ARB2A: variants seen among roughly 807,000 people sequenced by gnomAD.
The protein encoded by ARB2A is cotranscriptional regulator ARB2A.
the ARB2A span, among the ~76,000 whole-genome samples, chr5:94,109,027 C>G: frequency 1.3e-5 from 2 of 152,184 alleles, no homozygotes; most frequent in Non-Finnish European, 1.5e-5. Context: ...ACAACCCAAG[C>G]ATCCATGGAT....
chr5:93,892,068 G>C, the ARB2A span, among the ~76,000 whole-genome samples: 3 of 152,082 alleles, frequency 2.0e-5, no homozygotes, highest in African/African-American at 4.8e-5. Flanking sequence ...TCAAACACAG[G>C]AACAAAGCAA....
chr5:93,990,678 CAG>C, the ARB2A span, among the ~76,000 whole-genome samples: 4 of 144,086 alleles, frequency 2.8e-5, no homozygotes, highest in South Asian at 2.2e-4. Flanking sequence ...GATTTCAACT[CAG>C]AGTCATAATA....
chr5:93,634,332 G>A, the ARB2A span, among the ~76,000 whole-genome samples: 214 of 151,930 alleles, frequency 1.4e-3, 3 homozygotes, highest in East Asian at 0.031. Context: ...CCCAGGAGGC[G>A]GAGGTTGCAG....
the ARB2A span, among the ~76,000 whole-genome samples, chr5:94,066,528 G>C: frequency 6.6e-6 from 1 of 150,640 alleles, no homozygotes; most frequent in African/African-American, 2.4e-5. Flanking sequence ...AATTACCACA[G>C]TAATAGAAAA....
the ARB2A span, among the ~76,000 whole-genome samples, chr5:93,685,180 T>C: frequency 6.6e-6 from 1 of 152,302 alleles, no homozygotes; most frequent in Admixed American, 6.5e-5. Context: ...AGTACTGATA[T>C]GTTTTCTAAT....
chr5:93,699,203 T>G, the ARB2A span, among the ~76,000 whole-genome samples: 2 of 152,158 alleles, frequency 1.3e-5, no homozygotes, highest in Non-Finnish European at 2.9e-5. Context: ...CAGTATAGCT[T>G]CAGAGCCTGT....
the ARB2A span, among the ~76,000 whole-genome samples, chr5:94,005,063 A>G: frequency 1.5e-5 from 2 of 129,982 alleles, no homozygotes; most frequent in African/African-American, 5.6e-5. Flanking sequence ...AAAAAAAAAA[A>G]GTGGCACAAA....
At chr5:93,855,225 GC>G in the ARB2A span, among the ~76,000 whole-genome samples, 1 of 151,982 alleles carries the variant, frequency 6.6e-6, no homozygotes, top group South Asian at 2.1e-4. Context: ...GCCTTCTCTG[GC>G]TCTTTTGATC....
At chr5:94,061,659 CAT>C in the ARB2A span, among the ~76,000 whole-genome samples, 3 of 152,116 alleles carry the variant, frequency 2.0e-5, no homozygotes, top group East Asian at 1.9e-4. Flanking sequence ...CATCAATAAA[CAT>C]GTGTAAACTG....
the ARB2A span, among the ~76,000 whole-genome samples, chr5:93,685,260 ATTAG>A: frequency 6.6e-6 from 1 of 152,224 alleles, no homozygotes; most frequent in Non-Finnish European, 1.5e-5. Context: ...TAAGGCTTAT[ATTAG>A]TTTTTTTAAA....
At chr5:93,854,944 G>T in the ARB2A span, among the ~76,000 whole-genome samples, 1 of 152,160 alleles carries the variant, frequency 6.6e-6, no homozygotes, top group African/African-American at 2.4e-5. Context: ...GTTGATTTGG[G>T]GTGGAGAGTT....
the ARB2A span, among the ~76,000 whole-genome samples, chr5:93,853,987 G>A: frequency 6.6e-6 from 1 of 152,162 alleles, no homozygotes; most frequent in Non-Finnish European, 1.5e-5. Context: ...GAGTTAGGGA[G>A]GATTCCCTCT....
At chr5:93,742,179 C>G in the ARB2A span, among the ~76,000 whole-genome samples, 7 of 152,186 alleles carry the variant, frequency 4.6e-5, no homozygotes, top group Non-Finnish European at 7.4e-5. Flanking sequence ...CTGCCAGATT[C>G]CACTCCCTCC....
At chr5:93,738,840 G>T in the ARB2A span, 1 of 152,282 alleles carries the variant, frequency 6.6e-6, no homozygotes, top group South Asian at 2.1e-4. Context: ...TGGAGTGATG[G>T]AAAAATGTTG....
chr5:93,819,238 T>TGCAGATATTTAAGA, the ARB2A span, among the ~76,000 whole-genome samples: 1 of 151,328 alleles, frequency 6.6e-6, no homozygotes, highest in Non-Finnish European at 1.5e-5. Context: ...CAACTAACTG[T>TGCAGATATTTAAGA]GCAGATATTT....
At chr5:94,006,511 T>C in the ARB2A span, among the ~76,000 whole-genome samples, 1 of 152,178 alleles carries the variant, frequency 6.6e-6, no homozygotes, top group African/African-American at 2.4e-5. Flanking sequence ...GTTTGCAAGA[T>C]GCTAGCACTG....
At chr5:93,822,396 A>C in the ARB2A span, among the ~76,000 whole-genome samples, 1 of 152,256 alleles carries the variant, frequency 6.6e-6, no homozygotes, top group South Asian at 2.1e-4. Flanking sequence ...CATTGTAAAA[A>C]CTGTCCAAAA....
chr5:93,667,449 A>T, the ARB2A span, among the ~76,000 whole-genome samples: 1 of 152,062 alleles, frequency 6.6e-6, no homozygotes, highest in South Asian at 2.1e-4. Context: ...ACTGTTGAAA[A>T]TTCTCTTTTT....
At chr5:93,929,308 C>T in the ARB2A span, among the ~76,000 whole-genome samples, 2 of 152,240 alleles carry the variant, frequency 1.3e-5, no homozygotes, top group South Asian at 4.1e-4. Context: ...ATCTGCTTAG[C>T]AATCTGGCAA....
Sources: allele counts gnomAD v4.1 joint callset (sites outside exome capture counted in the v4.1 genomes callset), GRCh38; gene constraint gnomAD v4.1.1; transcripts MANE v1.5; gene names NCBI Gene and HGNC (gene_info 2026-07-23, HGNC 2026-07-21).